Variants in PACRG observed in about 807,000 individuals in gnomAD.
The protein encoded by PACRG is parkin coregulated.
A neutral mutation model predicts 29.7 loss-of-function variants in PACRG; 29 were observed. The observed-to-expected ratio is 0.98, with a 90% CI of 0.73 to 1.33. The LOEUF (loss-of-function observed/expected upper bound fraction) is 1.33, where lower values mean the gene tolerates loss of function less well. Ranked by LOEUF, PACRG falls within the 40% of genes most tolerant of loss-of-function variation. The probability of loss-of-function intolerance (pLI) is 0.00; values close to 1 mark genes in which losing one functional copy is unlikely to be tolerated. For synonymous variants in PACRG, 116 were observed against 118.7 expected (o/e 0.98, Z 0.15); for missense variants, 279 against 316.2 (o/e 0.88, Z 0.89).
chr6:163,170,185 G>A (rs1017492118), intron 4 of PACRG, among the ~76,000 whole-genome samples: 7 of 152,126 alleles, frequency 4.6e-5, no homozygotes, highest in Admixed American at 2.6e-4. Context: ...TGCGGGGAAG[G>A]GAACTGTTGA....
At chr6:163,300,512 G>A (rs1319555314) in intron 4 of PACRG, among the ~76,000 whole-genome samples, 3 of 152,234 alleles carry the variant, frequency 2.0e-5, no homozygotes, top group Non-Finnish European at 4.4e-5. Flanking sequence ...AAAGATGTGA[G>A]CCAGAATGCT....
intron 4 of PACRG, among the ~76,000 whole-genome samples, chr6:163,209,177 G>A (rs1301390695): frequency 6.6e-6 from 1 of 152,350 alleles, no homozygotes; most frequent in Middle Eastern, 3.4e-3. Context: ...ACTGTTGTTA[G>A]TATTTATCAG....
chr6:162,847,147 TCCAGA>T, intron 2 of PACRG, among the ~76,000 whole-genome samples: 1 of 152,308 alleles, frequency 6.6e-6, no homozygotes, highest in East Asian at 1.9e-4. Flanking sequence ...CCACACTGAC[TCCAGA>T]GCTTCACACA....
chr6:162,947,467 T>TA (rs1348986341), intron 2 of PACRG, among the ~76,000 whole-genome samples: 11 of 21,844 alleles, frequency 5.0e-4, no homozygotes, highest in East Asian at 4.7e-3. Flanking sequence ...TATAATCATA[T>TA]ATAATATATA....
chr6:162,970,443 C>T (rs1020592909), intron 2 of PACRG, among the ~76,000 whole-genome samples: 4 of 152,126 alleles, frequency 2.6e-5, no homozygotes, highest in African/African-American at 4.8e-5. Flanking sequence ...CCCCTCTTCT[C>T]GTTTGGCAAG....
chr6:162,765,499 G>C (rs1453896422), intron 1 of PACRG, among the ~76,000 whole-genome samples: 1 of 152,044 alleles, frequency 6.6e-6, no homozygotes, highest in African/African-American at 2.4e-5. Flanking sequence ...CTTGACCGGT[G>C]ACCTGTGTCC....
intron 2 of PACRG, among the ~76,000 whole-genome samples, chr6:162,938,569 C>T (rs1206791513): frequency 6.6e-6 from 1 of 152,070 alleles, no homozygotes; most frequent in Non-Finnish European, 1.5e-5. Flanking sequence ...CTTTAAGGAA[C>T]TGCCACACTG....
At chr6:162,934,320 G>A (rs1316149558) in intron 2 of PACRG, among the ~76,000 whole-genome samples, 1 of 152,074 alleles carries the variant, frequency 6.6e-6, no homozygotes, top group Non-Finnish European at 1.5e-5. Context: ...CTGGTTGGGA[G>A]GGCGGGCGTT....
intron 4 of PACRG, among the ~76,000 whole-genome samples, chr6:163,186,372 AAC>A (rs1779933501): frequency 6.6e-6 from 1 of 152,074 alleles, no homozygotes; most frequent in Non-Finnish European, 1.5e-5. Flanking sequence ...TGCCCCCTTC[AAC>A]ACACAGGCAG....
intron 4 of PACRG, among the ~76,000 whole-genome samples, chr6:163,309,515 C>A (rs1171877455): frequency 2.0e-5 from 3 of 152,154 alleles, no homozygotes; most frequent in African/African-American, 7.2e-5. Context: ...TGTTACTGAG[C>A]CTGGCAAGTT....
At chr6:163,091,498 A>C (rs9456833) in intron 4 of PACRG, among the ~76,000 whole-genome samples, 1 of 152,230 alleles carries the variant, frequency 6.6e-6, no homozygotes, top group Non-Finnish European at 1.5e-5. Flanking sequence ...AAATGCATGC[A>C]TCAGGAATTC....
At chr6:163,206,156 T>G (rs1410469681) in intron 4 of PACRG, among the ~76,000 whole-genome samples, 1 of 152,146 alleles carries the variant, frequency 6.6e-6, no homozygotes, top group Non-Finnish European at 1.5e-5. Context: ...AGTGTGGTGA[T>G]TCCTCAAAGA....
intron 1 of PACRG, among the ~76,000 whole-genome samples, chr6:162,753,185 C>A (rs1781643409): frequency 6.6e-6 from 1 of 151,992 alleles, no homozygotes; most frequent in East Asian, 1.9e-4. Flanking sequence ...TGCAGTAGAT[C>A]TCAAAATATG....
intron 2 of PACRG, among the ~76,000 whole-genome samples, chr6:163,046,087 A>G (rs1809336231): frequency 6.6e-6 from 1 of 151,822 alleles, no homozygotes; most frequent in Non-Finnish European, 1.5e-5. Flanking sequence ...TGGCTCCCTG[A>G]TATCACCTGC....
intron 2 of PACRG, among the ~76,000 whole-genome samples, chr6:162,896,956 G>A (rs951016738): frequency 1.1e-4 from 17 of 152,172 alleles, no homozygotes; most frequent in Non-Finnish European, 2.2e-4. Flanking sequence ...TGGTGCATAC[G>A]AACCCATTGG....
At chr6:162,858,477 A>G (rs568047448) in intron 2 of PACRG, among the ~76,000 whole-genome samples, 1 of 152,326 alleles carries the variant, frequency 6.6e-6, no homozygotes, top group East Asian at 1.9e-4. Flanking sequence ...CAAACCAATC[A>G]CTATATTATA....
intron 4 of PACRG, among the ~76,000 whole-genome samples, chr6:163,150,889 G>A (rs922291833): frequency 6.6e-6 from 1 of 152,144 alleles, no homozygotes; most frequent in African/African-American, 2.4e-5. Context: ...TGTTTTCTGT[G>A]CTGGGTTTTA....
At chr6:162,758,665 G>A (rs1782119800) in intron 1 of PACRG, among the ~76,000 whole-genome samples, 1 of 152,200 alleles carries the variant, frequency 6.6e-6, no homozygotes, top group South Asian at 2.1e-4. Flanking sequence ...TGTGCTGAGT[G>A]CATTGGTTCA....
intron 2 of PACRG, among the ~76,000 whole-genome samples, chr6:163,054,688 C>T (rs1378545131): frequency 6.6e-6 from 1 of 152,152 alleles, no homozygotes; most frequent in African/African-American, 2.4e-5. Flanking sequence ...GGGACTCTCG[C>T]TAAGCCAGAG....
Sources: allele counts gnomAD v4.1 joint callset (sites outside exome capture counted in the v4.1 genomes callset), GRCh38; gene constraint gnomAD v4.1.1; transcripts MANE v1.5; gene names NCBI Gene and HGNC (gene_info 2026-07-23, HGNC 2026-07-21).